GRM7: variants seen among roughly 807,000 people sequenced by gnomAD.
GRM7 encodes the protein metabotropic glutamate receptor 7.
Under a neutral mutation model 84.5 loss-of-function variants are expected in GRM7, and 35 were observed. The ratio of observed to expected loss-of-function variants is 0.41; its 90% confidence interval spans 0.32 to 0.55. The LOEUF (loss-of-function observed/expected upper bound fraction) is 0.55. Among genes scored for constraint, GRM7 ranks in the 20% least tolerant of loss-of-function variants. The pLI, the probability that GRM7 is intolerant of heterozygous loss-of-function variation, is 0.19. For synonymous variants in GRM7, 487 were observed against 455.1 expected, an observed-to-expected ratio of 1.07 and a Z score of -0.89; for missense variants, 1,003 against 1,194.6, an observed-to-expected ratio of 0.84 and a Z score of 2.36.
intron 2 of GRM7, among the ~76,000 whole-genome samples, chr3:7,191,148 C>T (rs750726965): frequency 9.9e-5 from 15 of 152,006 alleles, no homozygotes; most frequent in Admixed American, 5.9e-4. Flanking sequence ...AGAGGATAAT[C>T]GAAATTGAAG....
chr3:7,671,411 C>A (rs1187118037), intron 8 of GRM7, among the ~76,000 whole-genome samples: 1 of 152,092 alleles, frequency 6.6e-6, no homozygotes, highest in Non-Finnish European at 1.5e-5. Context: ...CACTGAGATG[C>A]AGGTGATTCC....
chr3:7,576,681 A>C (rs1014870449), intron 7 of GRM7, among the ~76,000 whole-genome samples: 10 of 152,210 alleles, frequency 6.6e-5, no homozygotes, highest in Admixed American at 3.9e-4. Context: ...TCTATTGGTT[A>C]GTTCAATTGT....
chr3:7,048,769 A>G (rs1306387080), intron 1 of GRM7, among the ~76,000 whole-genome samples: 1 of 151,972 alleles, frequency 6.6e-6, no homozygotes, highest in Non-Finnish European at 1.5e-5. Context: ...AATTTTCAAG[A>G]TTATAATACC....
chr3:7,092,603 G>T (rs1005633891), intron 1 of GRM7, among the ~76,000 whole-genome samples: 5 of 149,632 alleles, frequency 3.3e-5, no homozygotes, highest in Admixed American at 6.7e-5. Context: ...TTTGAATTGG[G>T]GGGGGGGCAA....
chr3:7,550,577 CTGTGTGTGTGTGTGTG>C (rs369817211), intron 7 of GRM7, among the ~76,000 whole-genome samples: 1 of 52,978 alleles, frequency 1.9e-5, no homozygotes, highest in Non-Finnish European at 3.9e-5. Context: ...CTCTCTCTCT[CTGTGTGTGTGTGTGTG>C]TGTGTGTGTG....
chr3:7,548,306 A>T (rs1031980610), intron 7 of GRM7, among the ~76,000 whole-genome samples: 2 of 152,154 alleles, frequency 1.3e-5, no homozygotes, highest in Non-Finnish European at 2.9e-5. Flanking sequence ...TCCCTCTCTT[A>T]CCATGGGACC....
chr3:6,966,560 T>C (rs1186423197), intron 1 of GRM7, among the ~76,000 whole-genome samples: 1 of 152,252 alleles, frequency 6.6e-6, no homozygotes, highest in Non-Finnish European at 1.5e-5. Flanking sequence ...AGGCATGAAT[T>C]CGTATAATCA....
intron 8 of GRM7, among the ~76,000 whole-genome samples, chr3:7,585,553 A>C (rs1489250989): frequency 6.6e-6 from 1 of 152,196 alleles, no homozygotes; most frequent in African/African-American, 2.4e-5. Context: ...GGCTTTAATC[A>C]CTGGAAGTTT....
At chr3:7,455,581 A>G (rs1697974832) in intron 6 of GRM7, among the ~76,000 whole-genome samples, 1 of 151,744 alleles carries the variant, frequency 6.6e-6, no homozygotes, top group Admixed American at 6.6e-5. Context: ...TCTAATTTTA[A>G]GGAAACATCA....
At chr3:7,044,310 C>T (rs1055653916) in intron 1 of GRM7, among the ~76,000 whole-genome samples, 6 of 152,068 alleles carry the variant, frequency 3.9e-5, no homozygotes, top group African/African-American at 1.4e-4. Flanking sequence ...ATACCAAAAG[C>T]TTTAATGATA....
intron 2 of GRM7, among the ~76,000 whole-genome samples, chr3:7,211,083 G>A (rs566696472): frequency 6.6e-5 from 10 of 152,028 alleles, no homozygotes; most frequent in South Asian, 4.1e-4. Context: ...TATTACTGAC[G>A]TGTTCAGACC....
At chr3:7,688,786 C>G (rs1426093317) in intron 9 of GRM7, among the ~76,000 whole-genome samples, 3 of 152,148 alleles carry the variant, frequency 2.0e-5, no homozygotes, top group East Asian at 1.9e-4. Context: ...CATGTTCCAA[C>G]AAAGCCACAC....
At chr3:7,283,571 C>T (rs1434374102) in intron 2 of GRM7, among the ~76,000 whole-genome samples, 3 of 151,970 alleles carry the variant, frequency 2.0e-5, no homozygotes, top group Non-Finnish European at 4.4e-5. Context: ...TAAGATTTTC[C>T]GTTCAATGTA....
At chr3:7,683,560 C>T (rs555714768) in intron 9 of GRM7, among the ~76,000 whole-genome samples, 1 of 152,146 alleles carries the variant, frequency 6.6e-6, no homozygotes, top group African/African-American at 2.4e-5. Context: ...TCTGATGACC[C>T]AACTCTCAAA....
intron 1 of GRM7, among the ~76,000 whole-genome samples, chr3:7,142,360 C>T (rs1693972831): frequency 6.6e-6 from 1 of 152,076 alleles, no homozygotes; most frequent in Non-Finnish European, 1.5e-5. Flanking sequence ...ATAATTGACT[C>T]ACAGTTCAGC....
chr3:7,588,029 C>G (rs902390160), intron 8 of GRM7, among the ~76,000 whole-genome samples: 2 of 152,140 alleles, frequency 1.3e-5, no homozygotes, highest in African/African-American at 4.8e-5. Context: ...TATACCCTCC[C>G]TCCCCAAGTA....
At chr3:7,656,543 G>GCACACACACA (rs140409240) in intron 8 of GRM7, among the ~76,000 whole-genome samples, 1,929 of 119,916 alleles carry the variant, frequency 0.016, 25 homozygotes, top group Middle Eastern at 0.032. Flanking sequence ...ATATATACGC[G>GCACACACACA]CGCGCACACA....
At position 7,476,590 on chromosome 3, in the gene GRM7, T is replaced by A. The variant is rs555308703; in HGVS notation, c.1515+14868T>A. Among the ~76,000 whole-genome samples, 17 of 152,234 alleles carry A rather than the reference T, an allele frequency of 1.1e-4. No homozygotes were observed. In the East Asian group the frequency reaches 3.3e-3, roughly 29 times the overall value. On this transcript the variant is annotated intron_variant, in intron 7 of 9. Coordinates refer to ENST00000357716, the MANE Select transcript of GRM7 (RefSeq NM_000844.4). ...AAAAAAAGAAAAGTGACTAGGACAG[T>A]GGCTGATACAATAAATATTTGCTAG... is the stretch of plus-strand genomic sequence containing the variant.
intron 8 of GRM7, among the ~76,000 whole-genome samples, chr3:7,674,022 G>T (rs899475749): frequency 6.6e-6 from 1 of 152,160 alleles, no homozygotes; most frequent in Non-Finnish European, 1.5e-5. Flanking sequence ...TGACTGGGGA[G>T]ATGGGGAATG....
Sources: gnomAD v4.1 joint callset for allele counts (sites outside exome capture counted in the v4.1 genomes callset) on GRCh38, gnomAD v4.1.1 for gene constraint, MANE v1.5 for transcripts, NCBI Gene and HGNC (gene_info 2026-07-23, HGNC 2026-07-21) for gene names.